PPP1R12C: variants seen among roughly 807,000 people sequenced by gnomAD.
The protein encoded by PPP1R12C is leukocyte receptor cluster (LRC) encoded novel gene 3.
In PPP1R12C, 48 loss-of-function variants were observed where a neutral mutation model predicts 95.6. The observed-to-expected ratio is 0.50, with a 90% CI of 0.40 to 0.64. The LOEUF is 0.64. Among genes scored for constraint, PPP1R12C ranks in the 30% least tolerant of loss-of-function variants. PPP1R12C has a pLI of 0.00. For synonymous variants in PPP1R12C, 480 were observed against 460.8 expected, an observed-to-expected ratio of 1.04 and a Z score of -0.53; for missense variants, 1,057 against 1,083.3, an observed-to-expected ratio of 0.98 and a Z score of 0.34.
intron 20 of PPP1R12C, 71 bp from the exon 21 acceptor site, chr19:55,091,771 GGGAA>G: frequency 1.2e-6 from 2 of 1,612,066 alleles, no homozygotes; most frequent in Non-Finnish European, 1.7e-6. Context: ...GGGGCCAGCT[GGGAA>G]GGGCAATGTG....
At position 55,112,491 on chromosome 19, in the gene PPP1R12C, G is replaced by C; in HGVS notation, c.547C>G (p.Leu183Val). ...CCTCGGCGGGCGATCTCCGCCTTCAGCAGCCCCTCCATGGCGTCCGACTCG... is the reference window on the plus strand; with the variant it reads ...CCTCGGCGGGCGATCTCCGCCTTCACCAGCCCCTCCATGGCGTCCGACTCG... ...LAESDAMEGLLKAEIARRGVD... is the reference protein window; with the variant it reads ...LAESDAMEGLVKAEIARRGVD... The change falls in exon 3 of 22, where the codon CTG becomes GTG. Residue 183 changes from leucine (L) to valine (V), a missense_variant. Physicochemically the swap from Leu to Val is conservative, Grantham distance 32. Around this residue, in one of 5 missense-constraint regions of PPP1R12C, gnomAD observed 282 missense variants for 380.4 expected, o/e 0.74. Coordinates refer to ENST00000263433, the MANE Select transcript of PPP1R12C (RefSeq NM_017607.4). 1 of 1,612,430 alleles carries C rather than the reference G, an allele frequency of 6.2e-7. No individual in the cohort carries two copies. Among genetic ancestry groups the C allele is most frequent in the East Asian group, 2.2e-5 (1 of 44,858 alleles).
At chr19:55,104,183 T>C (rs2085009841) in intron 3 of PPP1R12C, among the ~76,000 whole-genome samples, 1 of 86,900 alleles carries the variant, frequency 1.2e-5, no homozygotes, top group Non-Finnish European at 1.9e-5. Flanking sequence ...AAAAAAAGTA[T>C]ATATATATAT....
chr19:55,099,687 G>GCC (rs772471143), intron 4 of PPP1R12C, among the ~76,000 whole-genome samples: 95 of 152,300 alleles, frequency 6.2e-4, no homozygotes, highest in Middle Eastern at 3.4e-3. Context: ...CTCAGCAGCA[G>GCC]CCCCACAAGG....
At chr19:55,103,118 G>T (rs1009671708) in intron 4 of PPP1R12C, among the ~76,000 whole-genome samples, 1 of 152,088 alleles carries the variant, frequency 6.6e-6, no homozygotes, top group Non-Finnish European at 1.5e-5. Flanking sequence ...ACCTGAGCCT[G>T]GGGAGTTTGA....
intron 3 of PPP1R12C, among the ~76,000 whole-genome samples, chr19:55,104,131 C>T (rs905999266): frequency 7.1e-6 from 1 of 140,312 alleles, no homozygotes; most frequent in Non-Finnish European, 1.5e-5. Context: ...CCACTGCACT[C>T]CAGCCTGGGC....
intron 10 of PPP1R12C, 28 bp from the exon 11 acceptor site, chr19:55,095,386 G>T: frequency 6.3e-7 from 1 of 1,577,974 alleles, no homozygotes. Flanking sequence ...GGGGAGGAAG[G>T]GGCAGTTCCC....
intron 4 of PPP1R12C, among the ~76,000 whole-genome samples, chr19:55,100,370 G>A (rs77119766): frequency 0.019 from 2,900 of 152,344 alleles, 90 homozygotes; most frequent in African/African-American, 0.067. Flanking sequence ...GTGGAGGCCA[G>A]GGAGGCTGCC....
At position 55,093,087 on chromosome 19, in the gene PPP1R12C, G is replaced by T. The variant is rs200413686; in HGVS notation, c.1765-11C>A. 8.1e-6 allele frequency: 13 copies of T among 1,608,224 alleles called. No individual in the cohort carries two copies. Among genetic ancestry groups the T allele is most frequent in the Non-Finnish European group, 1.1e-5 (13 of 1,178,668 alleles). ...CCTTCGGGAAGGGTCCTGTCGGGAGGGGGAGGCGAGTCAGGGAAGCAGGAC... is the reference window on the plus strand; with the variant it reads ...CCTTCGGGAAGGGTCCTGTCGGGAGTGGGAGGCGAGTCAGGGAAGCAGGAC... On this transcript the variant is annotated splice_polypyrimidine_tract_variant and intron_variant, in intron 14 of 21. Transcript: ENST00000263433.
chr19:55,091,931 C>G, intron 19 of PPP1R12C, 22 bp from the exon 20 acceptor site: 2 of 1,612,700 alleles, frequency 1.2e-6, no homozygotes, highest in African/African-American at 1.3e-5. Context: ...ACAGAAAGCA[C>G]AGGGGTCAGC....
chr19:55,094,381 G>C lies in PPP1R12C; in HGVS notation c.1647C>G (p.Arg549=). 6.2e-7 allele frequency: 1 copy of C among 1,613,434 alleles called. No individual in the cohort carries two copies. Among genetic ancestry groups the C allele is most frequent in the Non-Finnish European group, 8.5e-7 (1 of 1,180,022 alleles). ...TCCGAGACTGGCGCATGAGACGGGA[G>C]CGAGCTTTTCTCTGGGATTCCGACT... ...DEESESQRKA[R]SRLMRQSRRS... Residue 549 remains arginine, a synonymous_variant, in exon 13 of 22, where the codon CGC becomes CGG. Coordinates refer to ENST00000263433, the MANE Select transcript of PPP1R12C (RefSeq NM_017607.4).
intron 3 of PPP1R12C, among the ~76,000 whole-genome samples, chr19:55,108,562 C>T (rs1156680767): frequency 6.6e-6 from 1 of 152,232 alleles, no homozygotes; most frequent in Non-Finnish European, 1.5e-5. Flanking sequence ...ATTCTACTGT[C>T]TGTCTCCATT....
intron 1 of PPP1R12C, chr19:55,115,352 G>C (rs1186010521): frequency 6.6e-6 from 1 of 152,188 alleles, no homozygotes; most frequent in Non-Finnish European, 1.5e-5. Flanking sequence ...AAGAGCCAAA[G>C]TTAGAACTCA....
At position 55,093,218 on chromosome 19, in the gene PPP1R12C, C is replaced by T. The variant is rs2084868439; in HGVS notation, c.1699G>A (p.Asp567Asn). The change falls in exon 14 of 22, where the codon GAC becomes AAC. Residue 567 changes from aspartate to asparagine, a missense_variant. This residue lies in a region of PPP1R12C where 347 missense variants were observed against 307.9 expected (regional missense o/e 1.13). Coordinates refer to ENST00000263433, the MANE Select transcript of PPP1R12C (RefSeq NM_017607.4). Reference sequence around the variant, plus strand: ...GCAGCCTTCTCTGCCTCCTTCAGGTCTGTAAGAGTCACACCCTGGCAGGGA... The same window carrying T: ...GCAGCCTTCTCTGCCTCCTTCAGGTTTGTAAGAGTCACACCCTGGCAGGGA... ...RRSTQGVTLT[D>N]LKEAEKAAGK... 2 of 1,613,244 alleles carry T rather than the reference C, an allele frequency of 1.2e-6. No homozygotes were observed. The highest frequency in any genetic ancestry group is 1.3e-5 in the African/African-American group (1 of 74,888).
At chr19:55,112,838 C>T (rs756206313) in intron 1 of PPP1R12C, 43 bp from the exon 2 acceptor site, 14 of 1,606,554 alleles carry the variant, frequency 8.7e-6, no homozygotes, top group South Asian at 5.5e-5. Context: ...ACCCCAGCCA[C>T]GGTGTCCCAG....
rs1372347061 is a variant in PPP1R12C, at chr19:55,094,709, A to G, written c.1544T>C (p.Val515Ala). Residue 515 changes from valine (V) to alanine (A), a missense_variant, in exon 12 of 22, where the codon GTC becomes GCC. Physicochemically the swap from Val to Ala is moderately conservative, Grantham distance 64. Transcript: ENST00000263433. ...PEPESPAKPN[V>A]PTASTAPPAD... ...TGGGGGCGCCGTGGAGGCTGTGGGG[A>G]CGTTTGGCTTCGCTGGGGATTCAGG... 1.2e-6 allele frequency: 2 copies of G among 1,609,358 alleles called. No homozygotes were observed. Among genetic ancestry groups the G allele is most frequent in the Admixed American group, 1.7e-5 (1 of 59,480 alleles).
intron 12 of PPP1R12C, 90 bp from the exon 13 acceptor site, chr19:55,094,525 G>A: frequency 6.3e-7 from 1 of 1,587,680 alleles, no homozygotes; most frequent in Non-Finnish European, 8.6e-7. Context: ...AAGTTCTGTG[G>A]GAGGGGACTC....
At position 55,091,105 on chromosome 19, in the gene PPP1R12C, C is replaced by A. The variant is rs2084833841; in HGVS notation, c.*367G>T. 3.3e-6 allele frequency: 1 copy of A among 305,010 alleles called. No homozygotes were observed. The highest frequency in any genetic ancestry group is 6.3e-6 in the Non-Finnish European group (1 of 159,504). 18.9% of individuals were successfully genotyped at this position (305,010 alleles called of 1,614,324 possible). ...GGGACTCTTGGCACATTCTTGGATC[C>A]CTGCTCAGGAGGGGAGGGGTGACGG... On this transcript the variant is annotated 3_prime_UTR_variant, in exon 22 of 22. Coordinates refer to ENST00000263433, the MANE Select transcript of PPP1R12C (RefSeq NM_017607.4).
Position 55,095,859 on chromosome 19 carries a change from C to G in PPP1R12C, c.1227+8G>C, listed in dbSNP as rs778776871. On this transcript the variant is annotated splice_region_variant and intron_variant, in intron 9 of 21. Coordinates refer to ENST00000263433, the MANE Select transcript of PPP1R12C (RefSeq NM_017607.4). ...AGCCTCACAGGACCTCTCAGGGCAT[C>G]CACTCACCACGGGACTCTTAGGGCT... The G allele has an allele frequency of 1.2e-6, 2 of 1,613,492 alleles. No homozygotes were observed. The highest frequency in any genetic ancestry group is 2.2e-5 in the South Asian group (2 of 91,068).
intron 4 of PPP1R12C, among the ~76,000 whole-genome samples, chr19:55,100,604 T>G (rs2084969721): frequency 6.6e-6 from 1 of 152,234 alleles, no homozygotes; most frequent in African/African-American, 2.4e-5. Flanking sequence ...AATGTTTTTT[T>G]GTTTTGTTTT....
Sources: allele counts gnomAD v4.1 joint callset (sites outside exome capture counted in the v4.1 genomes callset), GRCh38; gene constraint gnomAD v4.1.1; regional missense constraint gnomAD v4.1.1; transcripts MANE v1.5; gene names NCBI Gene and HGNC (gene_info 2026-07-23, HGNC 2026-07-21).